The following LRRC56 variants were observed in gnomAD, a reference collection of about 807,000 sequenced individuals.
The protein encoded by LRRC56 is leucine rich repeat containing 56.
Under a neutral mutation model 47.8 loss-of-function variants are expected in LRRC56, and 41 were observed. The observed-to-expected ratio is 0.86, with a 90% confidence interval of 0.67 to 1.11. LRRC56 has a LOEUF of 1.11. Among genes scored for constraint, LRRC56 ranks in the 50% most tolerant of loss-of-function variants. The probability of loss-of-function intolerance (pLI) is 0.00; values close to 1 mark genes in which losing one functional copy is unlikely to be tolerated. For missense variants in LRRC56, 759 were observed against 704.2 expected, an observed-to-expected ratio of 1.08 and a Z score of -0.88; for synonymous variants, 387 against 311.2, an observed-to-expected ratio of 1.24 and a Z score of -2.56.
At chr11:539,384 CTT>C (rs35782858) in intron 2 of LRRC56, among the ~76,000 whole-genome samples, 194 bp from the exon 3 acceptor site, 8 of 92,424 alleles carry the variant, frequency 8.7e-5, no homozygotes, top group African/African-American at 2.4e-4. Context: ...CGCACCCAGC[CTT>C]TTTTTTTTTT....
intron 12 of LRRC56, 74 bp downstream of exon 12, chr11:552,306 T>G (rs1409606677): frequency 4.5e-6 from 7 of 1,539,646 alleles, no homozygotes; most frequent in Non-Finnish European, 6.2e-6. Flanking sequence ...CTACCTTGGC[T>G]GAGTCATCCC....
At chr11:517,742 G>T in the LRRC56 span, among the ~76,000 whole-genome samples, 3 of 152,122 alleles carry the variant, frequency 2.0e-5, no homozygotes, top group Non-Finnish European at 4.4e-5. Context: ...GGGAAATGTG[G>T]GGAAAAGAAA....
chr11:524,292 A>G, the LRRC56 span, among the ~76,000 whole-genome samples: 1 of 152,172 alleles, frequency 6.6e-6, no homozygotes, highest in Non-Finnish European at 1.5e-5. Flanking sequence ...GCACACAAAT[A>G]TGGCTCATGG....
At chr11:532,186 A>G in the LRRC56 span, 4 of 314,170 alleles carry the variant, frequency 1.3e-5, no homozygotes, top group South Asian at 1.8e-4. Flanking sequence ...AGGTTCCGAC[A>G]TACCTCATGC....
In LRRC56 at chr11:554,859, C is replaced by T; in HGVS notation, c.*583C>T. 1.4e-6 allele frequency: 1 copy of T among 699,470 alleles called. No individual in the cohort carries two copies. The highest frequency in any genetic ancestry group is 2.1e-5 in the South Asian group (1 of 47,642). The allele number at this position is 699,470 out of a possible 1,614,324, so 43.3% of individuals were successfully genotyped here. A position where few individuals can be genotyped will look rare whatever the true frequency, so the allele number is the denominator to read the frequency against. ...CCAACATTTCCAGCTCTCAGGTGTACAGAAATGCGGTTTACTTTGTAGGCC... is the reference window on the plus strand; with the variant it reads ...CCAACATTTCCAGCTCTCAGGTGTATAGAAATGCGGTTTACTTTGTAGGCC... On this transcript the variant is annotated 3_prime_UTR_variant, in exon 14 of 14. Transcript: ENST00000270115.
chr11:515,990 A>G, the LRRC56 span, among the ~76,000 whole-genome samples: 3 of 152,182 alleles, frequency 2.0e-5, no homozygotes, highest in African/African-American at 7.2e-5. Context: ...TTATTTCAAA[A>G]TCAGTTGAGC....
At chr11:551,471 C>T (rs1172269389) in intron 9 of LRRC56, among the ~76,000 whole-genome samples, 169 bp downstream of exon 9, 1 of 152,226 alleles carries the variant, frequency 6.6e-6, no homozygotes, top group East Asian at 1.9e-4. Context: ...GACACTGTCT[C>T]TGAGCAGCCC....
At chr11:540,243 G>T (rs1308675231) in intron 3 of LRRC56, among the ~76,000 whole-genome samples, 2 of 152,228 alleles carry the variant, frequency 1.3e-5, no homozygotes, top group Admixed American at 6.5e-5. Flanking sequence ...CAGGCTCAGA[G>T]ACCATCAGGT....
rs1294007354 is a variant in LRRC56 at position 552,561 on chromosome 11, C to T, written c.1182-8C>T. 9 of 1,594,912 alleles carry T rather than the reference C, an allele frequency of 5.6e-6. No homozygotes were observed. Among genetic ancestry groups the T allele is most frequent in the Non-Finnish European group, 6.8e-6 (8 of 1,170,568 alleles). ...GGGCTGGAGCTTCTCCTCCTCTCCC[C>T]ACCCTAGCCCCCTCCCCTATAGGCA... is the stretch of plus-strand genomic sequence containing the variant. On this transcript the variant is annotated splice_region_variant and splice_polypyrimidine_tract_variant and intron_variant, in intron 12 of 13. Transcript: ENST00000270115.
At chr11:551,574 C>A (rs1034575630) in intron 9 of LRRC56, 77 bp from the exon 10 acceptor site, 33 of 1,469,440 alleles carry the variant, frequency 2.2e-5, no homozygotes, top group Non-Finnish European at 3.0e-5. Flanking sequence ...GGGATTGGGG[C>A]CCCTGGTCTG....
chr11:520,629 T>C, the LRRC56 span, among the ~76,000 whole-genome samples: 1 of 152,104 alleles, frequency 6.6e-6, no homozygotes, highest in Non-Finnish European at 1.5e-5. Flanking sequence ...TAGTATTGAA[T>C]ATTTCAAACA....
the LRRC56 span, among the ~76,000 whole-genome samples, chr11:509,915 GTGGAATTGGGAGTATA>G: frequency 6.6e-6 from 1 of 151,834 alleles, no homozygotes; most frequent in African/African-American, 2.4e-5. Flanking sequence ...TTCACCCACT[GTGGAATTGGGAGTATA>G]TGGAAGTATT....
At position 549,898 on chromosome 11, in the gene LRRC56, G is replaced by A. The variant is rs201382866; in HGVS notation, c.327-4G>A. On this transcript the variant is annotated splice_region_variant and splice_polypyrimidine_tract_variant and intron_variant, in intron 6 of 13. Transcript: ENST00000270115. ...TGTTGACCACCAAACCCTGCCTTCT[G>A]CAGGGACTTGGGCACGTCTCTGGGC... The A allele has an allele frequency of 6.2e-7, 1 of 1,612,580 alleles. No individual in the cohort carries two copies.
At chr11:516,906 C>T in the LRRC56 span, among the ~76,000 whole-genome samples, 3 of 152,216 alleles carry the variant, frequency 2.0e-5, no homozygotes, top group African/African-American at 2.4e-5. Flanking sequence ...CTGGACTGTA[C>T]TGCTGTGGTC....
chr11:545,273 A>G (rs1852012232), intron 6 of LRRC56, among the ~76,000 whole-genome samples: 1 of 152,232 alleles, frequency 6.6e-6, no homozygotes, highest in Non-Finnish European at 1.5e-5. Flanking sequence ...ACCTGGGCCC[A>G]GAGCTCCCAC....
rs906087846 is a variant in LRRC56, at chr11:541,688, G to A, written c.265+64G>A. 12 of 1,036,972 alleles carry A rather than the reference G, an allele frequency of 1.2e-5. No individual in the cohort carries two copies. Among genetic ancestry groups the A allele is most frequent in the Admixed American group, 2.5e-5 (1 of 39,926 alleles). 64.2% of individuals were successfully genotyped at this position (1,036,972 alleles called of 1,614,324 possible). ...CCACGCCTCCCTGTAAACAACACAC[G>A]TTTCCTGGTTATGACGACAAAGCTG... On this transcript the variant is annotated intron_variant, in intron 5 of 13. Coordinates refer to ENST00000270115, the MANE Select transcript of LRRC56 (RefSeq NM_198075.4). This position sits in a 1 kb window ranked among gnomAD's most constrained non-coding sequence, Gnocchi z 4.1.
At chr11:513,001 C>T in the LRRC56 span, among the ~76,000 whole-genome samples, 4 of 152,230 alleles carry the variant, frequency 2.6e-5, no homozygotes, top group African/African-American at 4.8e-5. Context: ...CTGGGCTGCC[C>T]CTTAATCTAC....
At chr11:507,156 C>G in the LRRC56 span, 1 of 152,332 alleles carries the variant, frequency 6.6e-6, no homozygotes, top group African/African-American at 2.4e-5. Flanking sequence ...AGACCCAGAG[C>G]GAGACGGCCT....
the LRRC56 span, among the ~76,000 whole-genome samples, chr11:511,118 G>A: frequency 3.3e-5 from 5 of 151,778 alleles, no homozygotes; most frequent in East Asian, 2.0e-4. Flanking sequence ...TCAGGAGATC[G>A]AGACCATCCT....
Sources: gnomAD v4.1 joint callset for allele counts (sites outside exome capture counted in the v4.1 genomes callset) on GRCh38, gnomAD v4.1.1 for gene constraint, Gnocchi (gnomAD v3.1) non-coding constraint, MANE v1.5 for transcripts, NCBI Gene and HGNC (gene_info 2026-07-23, HGNC 2026-07-21) for gene names.